Variants in ZNF469 observed in about 807,000 individuals in gnomAD.
The protein encoded by ZNF469 is zinc finger protein 469.
ZNF469 carries 1 observed loss-of-function variant against 1.0 expected under a neutral mutation model. The observed-to-expected ratio is 1.00, with a 90% CI of 0.35 to 4.73. ZNF469 has a LOEUF of 4.73. Ranked by LOEUF, ZNF469 falls within the 30% of genes most tolerant of loss-of-function variation. ZNF469 has a pLI of 0.16. For synonymous variants in ZNF469, 2,703 were observed against 2,363.4 expected (o/e 1.14, Z -4.17); for missense variants, 6,100 against 5,356.3 (o/e 1.14, Z -4.33).
chr16:88,140,685 A>C, the ZNF469 span, among the ~76,000 whole-genome samples: 1 of 152,228 alleles, frequency 6.6e-6, no homozygotes, highest in African/African-American at 2.4e-5. Context: ...TAATCCCAGC[A>C]CTTTGGGAAG....
intron 1 of ZNF469, among the ~76,000 whole-genome samples, chr16:88,403,273 G>T (rs995355754): frequency 3.3e-5 from 5 of 152,250 alleles, no homozygotes; most frequent in African/African-American, 1.2e-4. Flanking sequence ...CCTGCTCTGG[G>T]TGAGCATTTA....
chr16:88,407,646 GTGGCAGAGCC>G (rs1398115960), intron 1 of ZNF469, among the ~76,000 whole-genome samples: 2 of 152,236 alleles, frequency 1.3e-5, no homozygotes, highest in African/African-American at 4.8e-5. Context: ...TGGCTGGCAT[GTGGCAGAGCC>G]TGGGTTCCAG....
At chr16:88,336,049 C>A in the ZNF469 span, among the ~76,000 whole-genome samples, 1 of 148,148 alleles carries the variant, frequency 6.8e-6, no homozygotes, top group Middle Eastern at 3.7e-3. Flanking sequence ...ATACCACACA[C>A]GTTCATCCTT....
rs1378454789 is a variant in ZNF469 at position 88,434,924 on chromosome 16, C to T, written c.7454C>T (p.Pro2485Leu). ...EVCAASFRSG[P>L]GLSRHKARKH... ...TGCGCAGCCTCCTTCCGCTCCGGGC[C>T]GGGCCTGAGCCGGCACAAGGCCAGG... Residue 2485 changes from proline to leucine, a missense_variant, in exon 3 of 3, where the codon CCG becomes CTG. Coordinates refer to ENST00000565624, the MANE Select transcript of ZNF469 (RefSeq NM_001367624.2). 9 of 1,550,052 alleles carry T rather than the reference C, an allele frequency of 5.8e-6. No individual in the cohort carries two copies. Among genetic ancestry groups the T allele is most frequent in the African/African-American group, 2.7e-5 (2 of 73,068 alleles).
the ZNF469 span, among the ~76,000 whole-genome samples, chr16:88,250,455 T>G: frequency 6.6e-6 from 1 of 152,262 alleles, no homozygotes; most frequent in Non-Finnish European, 1.5e-5. Context: ...TCCATTCTGT[T>G]GTCGACGGAT....
the ZNF469 span, among the ~76,000 whole-genome samples, chr16:88,365,738 G>A: frequency 8.7e-3 from 1,320 of 152,286 alleles, 10 homozygotes; most frequent in Non-Finnish European, 0.014. Flanking sequence ...GTGGTTGCAG[G>A]TGTCCTCACC....
At chr16:88,299,664 A>G in the ZNF469 span, among the ~76,000 whole-genome samples, 1 of 152,094 alleles carries the variant, frequency 6.6e-6, no homozygotes, top group East Asian at 1.9e-4. Context: ...ATCCCACTCC[A>G]GCTGAGTGCC....
chr16:88,117,828 G>C, the ZNF469 span, among the ~76,000 whole-genome samples: 1 of 152,274 alleles, frequency 6.6e-6, no homozygotes, highest in African/African-American at 2.4e-5. Flanking sequence ...GAAGCTGTGT[G>C]AAGGTGGGAG....
chr16:88,355,688 C>T, the ZNF469 span, among the ~76,000 whole-genome samples: 4 of 152,192 alleles, frequency 2.6e-5, no homozygotes, highest in African/African-American at 9.7e-5. Flanking sequence ...CCTAACAGGC[C>T]TATCATCCAG....
At chr16:88,386,792 C>T (rs556870012) in intron 1 of ZNF469, among the ~76,000 whole-genome samples, 27 of 152,192 alleles carry the variant, frequency 1.8e-4, no homozygotes, top group Non-Finnish European at 3.8e-4. Flanking sequence ...ATGCTGGGGG[C>T]TGGACAGAGC....
the ZNF469 span, among the ~76,000 whole-genome samples, chr16:88,107,833 G>C: frequency 6.6e-6 from 1 of 152,248 alleles, no homozygotes; most frequent in Non-Finnish European, 1.5e-5. Context: ...GTAGCCCTTG[G>C]CTTTGTCCCC....
chr16:88,272,152 G>A, the ZNF469 span, among the ~76,000 whole-genome samples: 2 of 149,592 alleles, frequency 1.3e-5, no homozygotes, highest in Admixed American at 6.6e-5. Flanking sequence ...ATGGATAGAC[G>A]AGTGGGTGGG....
At chr16:88,155,098 G>A in the ZNF469 span, among the ~76,000 whole-genome samples, 6 of 152,274 alleles carry the variant, frequency 3.9e-5, no homozygotes, top group East Asian at 7.7e-4. Flanking sequence ...TTCACAGACC[G>A]CATTCCATGG....
chr16:88,220,421 G>A, the ZNF469 span, among the ~76,000 whole-genome samples: 13 of 152,304 alleles, frequency 8.5e-5, no homozygotes, highest in East Asian at 1.9e-3. Context: ...GATTCCCACC[G>A]TATGAGAGCA....
the ZNF469 span, among the ~76,000 whole-genome samples, chr16:88,273,719 C>G: frequency 2.3e-4 from 35 of 152,160 alleles, no homozygotes; most frequent in East Asian, 6.4e-3. Flanking sequence ...CAGCACTATT[C>G]ACAACTGCTA....
chr16:88,426,692 G>T (rs1181064472), intron 2 of ZNF469, among the ~76,000 whole-genome samples: 1 of 152,034 alleles, frequency 6.6e-6, no homozygotes, highest in Non-Finnish European at 1.5e-5. Flanking sequence ...ACCCTGTAAG[G>T]CCTGGTGGCA....
the ZNF469 span, among the ~76,000 whole-genome samples, chr16:88,348,936 G>A: frequency 3.3e-5 from 5 of 152,270 alleles, no homozygotes; most frequent in East Asian, 7.7e-4. Flanking sequence ...CCGGGACAGG[G>A]TAGGGCTCAC....
chr16:88,112,156 C>T, the ZNF469 span, among the ~76,000 whole-genome samples: 6 of 151,918 alleles, frequency 3.9e-5, no homozygotes, highest in East Asian at 9.8e-4. Flanking sequence ...ACAGGCGTGC[C>T]GGCCAGGCGC....
the ZNF469 span, among the ~76,000 whole-genome samples, chr16:88,233,882 C>G: frequency 1.3e-5 from 2 of 152,262 alleles, no homozygotes; most frequent in African/African-American, 2.4e-5. Context: ...ATACCCTGCT[C>G]TCTCGCCCGC....
Sources: allele counts gnomAD v4.1 joint callset (sites outside exome capture counted in the v4.1 genomes callset), GRCh38; gene constraint gnomAD v4.1.1; transcripts MANE v1.5; gene names NCBI Gene and HGNC (gene_info 2026-07-23, HGNC 2026-07-21).